RASA1: variants seen among roughly 807,000 people sequenced by gnomAD.
RASA1 encodes the protein ras GTPase-activating protein 1.
A neutral mutation model predicts 132.2 loss-of-function variants in RASA1; 25 were observed. That is an observed-to-expected ratio of 0.19 (90% CI 0.14 to 0.26). The LOEUF (loss-of-function observed/expected upper bound fraction) is 0.26, where lower values mean the gene tolerates loss of function less well. Among genes scored for constraint, RASA1 ranks in the 10% least tolerant of loss-of-function variants. The pLI is 1.00. For missense variants in RASA1, 964 were observed against 1,299.2 expected, an observed-to-expected ratio of 0.74 and a Z score of 3.97; for synonymous variants, 477 against 449.9, an observed-to-expected ratio of 1.06 and a Z score of -0.76.
intron 11 of RASA1, chr5:87,366,288 T>C (rs989427449): frequency 1.2e-5 from 4 of 338,180 alleles, no homozygotes; most frequent in East Asian, 7.6e-5. Flanking sequence ...AAGATGAATA[T>C]TGCAATATCT....
chr5:87,298,301 C>T (rs1480981337), intron 1 of RASA1, among the ~76,000 whole-genome samples: 2 of 150,766 alleles, frequency 1.3e-5, no homozygotes, highest in African/African-American at 4.9e-5. Flanking sequence ...CCCAGCTACT[C>T]GGGAGGCTGA....
chr5:87,389,185 G>A (rs1762283897), intron 23 of RASA1: 3 of 475,684 alleles, frequency 6.3e-6, no homozygotes, highest in South Asian at 4.2e-5. Context: ...CAAAAAATTA[G>A]CTGGGCATGG....
chr5:87,281,672 C>T (rs1754324965), intron 1 of RASA1, among the ~76,000 whole-genome samples: 1 of 152,136 alleles, frequency 6.6e-6, no homozygotes, highest in South Asian at 2.1e-4. Flanking sequence ...CCTCCGCCTC[C>T]TGGGTTTAAG....
At chr5:87,298,552 C>G (rs973627981) in intron 1 of RASA1, among the ~76,000 whole-genome samples, 1 of 152,026 alleles carries the variant, frequency 6.6e-6, no homozygotes, top group Non-Finnish European at 1.5e-5. Flanking sequence ...TACATCCTTT[C>G]AGAGAATGAG....
rs1491365794 is a variant in RASA1 at position 87,338,533 on chromosome 5, A to ATATATATATAT, written c.1017+442_1017+443insTATATATATAT. ...TATATATATATATATATATATATATAAAATTTTTTTTTTTTTTAAGTAGAA... is the reference window on the plus strand; with the variant it reads ...TATATATATATATATATATATATATATATATATATATAAATTTTTTTTTTTTTTAAGTAGAA... On this transcript the variant is annotated intron_variant, in intron 5 of 24. Transcript: ENST00000274376. 5.3e-3 allele frequency among the ~76,000 whole-genome samples: 483 copies of ATATATATATAT among 91,070 alleles called. 18 individuals are homozygous for ATATATATATAT. Among genetic ancestry groups the ATATATATATAT allele is most frequent in the South Asian group, 7.2e-3 (21 of 2,922 alleles). 59.7% of individuals were successfully genotyped at this position (91,070 alleles called of 152,430 possible).
intron 10 of RASA1, 94 bp downstream of exon 10, chr5:87,362,765 C>T: frequency 1.4e-6 from 2 of 1,432,174 alleles, no homozygotes; most frequent in Non-Finnish European, 2.0e-6. Flanking sequence ...TAAGTTTTGA[C>T]ATGAGTTATT....
At chr5:87,304,442 C>A (rs1755515010) in intron 1 of RASA1, among the ~76,000 whole-genome samples, 1 of 151,706 alleles carries the variant, frequency 6.6e-6, no homozygotes, top group Non-Finnish European at 1.5e-5. Flanking sequence ...CTGCTTTTTG[C>A]ATTATTGCTC....
chr5:87,338,944 A>C (rs1291897375), intron 5 of RASA1, among the ~76,000 whole-genome samples: 3 of 152,032 alleles, frequency 2.0e-5, no homozygotes, highest in African/African-American at 7.2e-5. Context: ...GTGCATTTTT[A>C]ATAACAGGTC....
chr5:87,379,946 A>G, intron 19 of RASA1, 96 bp downstream of exon 19: 2 of 1,211,980 alleles, frequency 1.7e-6, no homozygotes, highest in Non-Finnish European at 2.4e-6. Flanking sequence ...TTGTCCTAAT[A>G]TTATTATACT....
intron 1 of RASA1, among the ~76,000 whole-genome samples, chr5:87,315,465 T>C (rs746740528): frequency 1.3e-5 from 2 of 152,168 alleles, no homozygotes; most frequent in Admixed American, 6.5e-5. Context: ...ACAAAGGCCC[T>C]ACCACCAAAT....
intron 1 of RASA1, among the ~76,000 whole-genome samples, chr5:87,277,176 A>G (rs542013757): frequency 2.2e-4 from 33 of 152,270 alleles, no homozygotes; most frequent in Middle Eastern, 6.8e-3. Flanking sequence ...CTGGAATTTT[A>G]ATGTAAATAC....
chr5:87,318,100 T>G (rs1756486449), intron 1 of RASA1, among the ~76,000 whole-genome samples: 1 of 152,160 alleles, frequency 6.6e-6, no homozygotes. Flanking sequence ...GGCTAAAATG[T>G]TCTTGGCATT....
intron 20 of RASA1, 64 bp from the exon 21 acceptor site, chr5:87,383,649 T>G: frequency 8.0e-7 from 1 of 1,250,654 alleles, no homozygotes; most frequent in Non-Finnish European, 1.1e-6. Flanking sequence ...ATATATTGTT[T>G]TAATGTAACA....
intron 4 of RASA1, among the ~76,000 whole-genome samples, chr5:87,334,937 G>T (rs1460464900): frequency 1.3e-5 from 2 of 152,062 alleles, no homozygotes; most frequent in Non-Finnish European, 2.9e-5. Flanking sequence ...AGGCTGGAGT[G>T]CAGTGGCACG....
At chr5:87,333,119 G>A in intron 3 of RASA1, 148 bp from the exon 4 acceptor site, 7 of 1,206,736 alleles carry the variant, frequency 5.8e-6, no homozygotes, top group Non-Finnish European at 7.9e-6. Context: ...TCTAGGCACT[G>A]GGTATTTATA....
intron 4 of RASA1, among the ~76,000 whole-genome samples, chr5:87,335,343 A>G (rs755503820): frequency 2.0e-5 from 3 of 148,430 alleles, no homozygotes; most frequent in Admixed American, 6.7e-5. Context: ...GACATTCTGT[A>G]TTGGCCATCA....
chr5:87,341,347 GA>G (rs35694079), intron 6 of RASA1, 26 bp downstream of exon 6: 407 of 1,190,532 alleles, frequency 3.4e-4, no homozygotes, highest in South Asian at 1.1e-3. Flanking sequence ...TTATTAAAAT[GA>G]AAAAAAAAAT....
chr5:87,287,610 T>TATATACCATACATATACACGCCATAG, intron 1 of RASA1, among the ~76,000 whole-genome samples: 1 of 146,124 alleles, frequency 6.8e-6, no homozygotes, highest in Admixed American at 6.8e-5. Flanking sequence ...ACACGCCATA[T>TATATACCATACATATACACGCCATAG]ATATACCATA....
At chr5:87,295,565 G>C (rs1755084089) in intron 1 of RASA1, among the ~76,000 whole-genome samples, 1 of 151,746 alleles carries the variant, frequency 6.6e-6, no homozygotes, top group African/African-American at 2.4e-5. Flanking sequence ...CTGGAGTACA[G>C]TGGCGTGATG....
Sources: gnomAD v4.1 joint callset for allele counts (sites outside exome capture counted in the v4.1 genomes callset) on GRCh38, gnomAD v4.1.1 for gene constraint, MANE v1.5 for transcripts, NCBI Gene and HGNC (gene_info 2026-07-23, HGNC 2026-07-21) for gene names.